The following TP73 variants were observed in gnomAD, a reference collection of about 807,000 sequenced individuals.
TP73 encodes the protein p53-like transcription factor.
A neutral mutation model predicts 62.5 loss-of-function variants in TP73; 25 were observed. The ratio of observed to expected loss-of-function variants is 0.40; its 90% CI spans 0.29 to 0.56. TP73 has a LOEUF of 0.56. Among genes scored for constraint, TP73 ranks in the 20% least tolerant of loss-of-function variants. The pLI, the probability that TP73 is intolerant of heterozygous loss-of-function variation, is 0.46. For missense variants in TP73, 754 were observed against 913.3 expected (o/e 0.83, Z 2.25); for synonymous variants, 423 against 377.5 (o/e 1.12, Z -1.40).
At chr1:3,731,649 C>CT in intron 13 of TP73, 93 bp downstream of exon 13, 1 of 1,230,150 alleles carries the variant, frequency 8.1e-7, no homozygotes, top group Non-Finnish European at 1.2e-6. Flanking sequence ...GCTCTCGTGG[C>CT]TGGGAAACTT....
intron 1 of TP73, among the ~76,000 whole-genome samples, chr1:3,676,982 C>G (rs1645388744): frequency 6.6e-6 from 1 of 151,732 alleles, no homozygotes; most frequent in Admixed American, 6.6e-5. Flanking sequence ...GGAATATCCT[C>G]TGGGGGTGGA....
chr1:3,673,978 C>A (rs1277067369), intron 1 of TP73, among the ~76,000 whole-genome samples: 1 of 152,204 alleles, frequency 6.6e-6, no homozygotes, highest in Non-Finnish European at 1.5e-5. Context: ...GTTCGACCTC[C>A]ACCCTGACCA....
chr1:3,726,238 TA>T (rs1470312803), intron 6 of TP73, among the ~76,000 whole-genome samples: 1 of 86,706 alleles, frequency 1.2e-5, no homozygotes. Context: ...GATGGATGGA[TA>T]GGATGGATGG....
intron 3 of TP73, among the ~76,000 whole-genome samples, chr1:3,689,741 C>T (rs1201855309): frequency 1.3e-5 from 2 of 152,116 alleles, no homozygotes; most frequent in Non-Finnish European, 2.9e-5. Context: ...AAAGGGTCTC[C>T]GCATGGATTT....
chr1:3,657,614 C>T (rs1014208364), intron 1 of TP73, among the ~76,000 whole-genome samples: 1 of 152,198 alleles, frequency 6.6e-6, no homozygotes, highest in Non-Finnish European at 1.5e-5. Context: ...AAACATTCTC[C>T]CGGACAAGGC....
In TP73 at chr1:3,696,351, G is replaced by T. The variant is rs1638655087; in HGVS notation, c.187-11198G>T. ...CAGGGTCTGGATGTGAGGTGGGTAA[G>T]GAGTTGGGGCCACACTGGCAGGAGC... is the stretch of plus-strand genomic sequence containing the variant. On this transcript the variant is annotated intron_variant, in intron 3 of 13. Transcript: ENST00000378295. This position sits in a 1 kb window ranked among gnomAD's most constrained non-coding sequence, Gnocchi z 4.1. Among the ~76,000 whole-genome samples the T allele has an allele frequency of 6.6e-6, 1 of 152,092 alleles. No individual in the cohort carries two copies. Among genetic ancestry groups the T allele is most frequent in the Non-Finnish European group, 1.5e-5 (1 of 68,024 alleles).
intron 3 of TP73, among the ~76,000 whole-genome samples, chr1:3,706,109 G>A (rs1216853116): frequency 1.1e-4 from 16 of 152,208 alleles, no homozygotes; most frequent in South Asian, 4.1e-4. Flanking sequence ...CAGAATGACC[G>A]CCCCCCGCCC....
chr1:3,654,298 G>C (rs11809948), intron 1 of TP73, among the ~76,000 whole-genome samples: 250 of 152,272 alleles, frequency 1.6e-3, no homozygotes, highest in African/African-American at 5.6e-3. Context: ...GTCTATGCGC[G>C]GCGGCCACCA....
chr1:3,688,215 C>T (rs947127820), intron 3 of TP73, among the ~76,000 whole-genome samples: 1 of 152,176 alleles, frequency 6.6e-6, no homozygotes, highest in African/African-American at 2.4e-5. Context: ...TCAGCCTTTC[C>T]TTTGGTGGGC....
rs1638944102 is a variant in TP73, at chr1:3,699,187, A to G, written c.187-8362A>G. Among the ~76,000 whole-genome samples, 1 of 152,074 alleles carries G rather than the reference A, an allele frequency of 6.6e-6. No homozygotes were observed. Among genetic ancestry groups the G allele is most frequent in the Non-Finnish European group, 1.5e-5 (1 of 67,994 alleles). ...TCTTGTTGGCATTTCCATTCGTTTA[A>G]TCACGGGCTCCGGGAGATGCTGTGG... On this transcript the variant is annotated intron_variant, in intron 3 of 13. Transcript: ENST00000378295. The surrounding 1 kb of genome is among the most constrained non-coding windows in gnomAD (Gnocchi z 4.1).
At chr1:3,674,726 G>A (rs1286507077) in intron 1 of TP73, among the ~76,000 whole-genome samples, 5 of 152,334 alleles carry the variant, frequency 3.3e-5, no homozygotes, top group East Asian at 1.9e-4. Flanking sequence ...AAGCGAGAGC[G>A]GCCCCTCTTC....
intron 3 of TP73, among the ~76,000 whole-genome samples, chr1:3,684,615 G>A (rs1195605807): frequency 6.6e-6 from 1 of 151,960 alleles, no homozygotes; most frequent in Admixed American, 6.5e-5. Flanking sequence ...TGCCTGTTCC[G>A]TCTCCATTGC....
chr1:3,658,821 TAC>T (rs1644923775), intron 1 of TP73: 1 of 95,768 alleles, frequency 1.0e-5, no homozygotes, highest in Non-Finnish European at 2.9e-5. Context: ...TCTGGTCTCC[TAC>T]AGTCATATTT....
At position 3,696,740 on chromosome 1, in the gene TP73, A is replaced by C. The variant is rs1570489274; in HGVS notation, c.187-10809A>C. Among the ~76,000 whole-genome samples the C allele has an allele frequency of 1.3e-5, 2 of 152,100 alleles. No individual in the cohort carries two copies. The highest frequency in any genetic ancestry group is 3.9e-4 in the East Asian group (2 of 5,172). ...CAAGGGAGCCCTCAGCATCCTCTCCAGGCCTTGTGTCATGAAAGACCCCGA... is the reference window on the plus strand; with the variant it reads ...CAAGGGAGCCCTCAGCATCCTCTCCCGGCCTTGTGTCATGAAAGACCCCGA... On this transcript the variant is annotated intron_variant, in intron 3 of 13. Transcript: ENST00000378295. This position sits in a 1 kb window ranked among gnomAD's most constrained non-coding sequence, Gnocchi z 4.1.
intron 3 of TP73, among the ~76,000 whole-genome samples, chr1:3,688,890 G>A (rs886071297): frequency 6.6e-6 from 1 of 152,146 alleles, no homozygotes; most frequent in Non-Finnish European, 1.5e-5. Context: ...TCCACTTGGC[G>A]CTCTCCTTTT....
rs987557371 is a variant in TP73, at chr1:3,696,792, G to A, written c.187-10757G>A. Among the ~76,000 whole-genome samples the A allele has an allele frequency of 6.6e-6, 1 of 152,082 alleles. No homozygotes were observed. Among genetic ancestry groups the A allele is most frequent in the Non-Finnish European group, 1.5e-5 (1 of 67,992 alleles). On this transcript the variant is annotated intron_variant, in intron 3 of 13. Coordinates refer to ENST00000378295, the MANE Select transcript of TP73 (RefSeq NM_005427.4). The surrounding 1 kb of genome is among the most constrained non-coding windows in gnomAD (Gnocchi z 4.1). ...CAGCGGTGGGGCTCAAGCCATGTGG[G>A]GCCAGGGGAGGGACCAGTTGTCCTA...
chr1:3,673,281 C>A (rs535314676), intron 1 of TP73, among the ~76,000 whole-genome samples: 5 of 152,294 alleles, frequency 3.3e-5, no homozygotes, highest in Admixed American at 2.6e-4. Context: ...AGCCAGCAGA[C>A]CCCACCTTTC....
Position 3,711,984 on chromosome 1 carries a change from C to T in TP73, c.429+4193C>T, listed in dbSNP as rs888245790. 7.2e-5 allele frequency among the ~76,000 whole-genome samples: 11 copies of T among 152,114 alleles called. No homozygotes were observed. In the East Asian group the frequency reaches 1.2e-3, roughly 16 times the overall value. ...GCCAGGGAAGCACAAAGGCTCTGCA[C>T]GGGATTCCTGGGGAGAATGAGGCTG... On this transcript the variant is annotated intron_variant, in intron 4 of 13. Transcript: ENST00000378295.
intron 1 of TP73, among the ~76,000 whole-genome samples, chr1:3,654,689 G>T (rs1036314178): frequency 1.3e-5 from 2 of 152,218 alleles, no homozygotes; most frequent in Middle Eastern, 3.2e-3. Context: ...AGAGCCAGGA[G>T]CCCTGGGGAG....
Sources: gnomAD v4.1 joint callset for allele counts (sites outside exome capture counted in the v4.1 genomes callset) on GRCh38, gnomAD v4.1.1 for gene constraint, Gnocchi (gnomAD v3.1) non-coding constraint, MANE v1.5 for transcripts, NCBI Gene and HGNC (gene_info 2026-07-23, HGNC 2026-07-21) for gene names.